UBE2E1: variants seen among roughly 807,000 people sequenced by gnomAD.
UBE2E1 encodes ubiquitin conjugating enzyme E2 E1, also known as ubiquitin-conjugating enzyme E2 E1.
A neutral mutation model predicts 21.4 loss-of-function variants in UBE2E1; 6 were observed. That is an observed-to-expected ratio of 0.28 (90% CI 0.15 to 0.55). The LOEUF (loss-of-function observed/expected upper bound fraction) is 0.55. Among genes scored for constraint, UBE2E1 ranks in the 20% least tolerant of loss-of-function variants. The pLI, the probability that UBE2E1 is intolerant of heterozygous loss-of-function variation, is 0.93. For synonymous variants in UBE2E1, 87 were observed against 82.7 expected, an observed-to-expected ratio of 1.05 and a Z score of -0.28; for missense variants, 142 against 236.5, an observed-to-expected ratio of 0.60 and a Z score of 2.62.
chr3:23,857,329 A>G (rs1427006947), intron 3 of UBE2E1, among the ~76,000 whole-genome samples: 1 of 152,176 alleles, frequency 6.6e-6, no homozygotes, highest in African/African-American at 2.4e-5. Context: ...AAGAGGAATT[A>G]GGTAAAGACC....
At chr3:23,871,408 C>T (rs1425377093) in intron 3 of UBE2E1, among the ~76,000 whole-genome samples, 4 of 151,142 alleles carry the variant, frequency 2.6e-5, no homozygotes, top group Admixed American at 6.6e-5. Context: ...ACCTCCCTCC[C>T]GGACAGGGCG....
chr3:23,837,768 C>T (rs1278261337), intron 3 of UBE2E1, among the ~76,000 whole-genome samples: 7 of 152,148 alleles, frequency 4.6e-5, no homozygotes, highest in East Asian at 3.8e-4. Flanking sequence ...TGAGAAGCAG[C>T]GTTTTTACCA....
At chr3:23,822,400 A>G (rs1469145635) in intron 3 of UBE2E1, among the ~76,000 whole-genome samples, 3 of 152,164 alleles carry the variant, frequency 2.0e-5, no homozygotes, top group South Asian at 2.1e-4. Flanking sequence ...TTAACATAGT[A>G]TATATAATTT....
chr3:23,852,854 C>G (rs897479294), intron 3 of UBE2E1, among the ~76,000 whole-genome samples: 6 of 152,096 alleles, frequency 3.9e-5, no homozygotes, highest in Non-Finnish European at 8.8e-5. Flanking sequence ...ATCCTCCCAC[C>G]TTGGCGTCCC....
chr3:23,860,798 C>T lies in UBE2E1; in HGVS notation c.204-26769C>T, dbSNP rs186802264. Among the ~76,000 whole-genome samples the T allele has an allele frequency of 5.9e-5, 9 of 152,246 alleles. No homozygotes were observed. The East Asian group carries it at 1.7e-3, about 29-fold the overall frequency. ...TAAAACTAGGTAGTACCTAAAATAG[C>T]ATGTACACTATATTTAAACTATTGC... is the stretch of plus-strand genomic sequence containing the variant. On this transcript the variant is annotated intron_variant, in intron 3 of 5. Coordinates refer to ENST00000306627, the MANE Select transcript of UBE2E1 (RefSeq NM_003341.5).
Position 23,867,203 on chromosome 3 carries a change from A to G in UBE2E1, c.204-20364A>G, listed in dbSNP as rs72627044. Among the ~76,000 whole-genome samples, 545 of 152,102 alleles carry G rather than the reference A, an allele frequency of 3.6e-3. 16 individuals carry two copies. The East Asian group carries it at 0.05, about 14-fold the overall frequency. ...GATAAATGTTACCTTTCCTGATTCA[A>G]AGATTCTAGGCAAAGATCAAAAGAA... On this transcript the variant is annotated intron_variant, in intron 3 of 5. Transcript: ENST00000306627.
chr3:23,871,900 G>A (rs1700802903), intron 3 of UBE2E1, among the ~76,000 whole-genome samples: 1 of 151,698 alleles, frequency 6.6e-6, no homozygotes, highest in Non-Finnish European at 1.5e-5. Context: ...TGGGCAGCCA[G>A]GCAGAGGGGC....
chr3:23,885,179 A>C (rs1701152022), intron 3 of UBE2E1, among the ~76,000 whole-genome samples: 1 of 152,196 alleles, frequency 6.6e-6, no homozygotes, highest in Middle Eastern at 3.2e-3. Flanking sequence ...TGGTAGAGAA[A>C]AGTTAGAGAG....
At chr3:23,850,579 T>C (rs1172356910) in intron 3 of UBE2E1, among the ~76,000 whole-genome samples, 1 of 151,758 alleles carries the variant, frequency 6.6e-6, no homozygotes, top group African/African-American at 2.4e-5. Flanking sequence ...GGTGCAATCC[T>C]AGCTCACTGC....
intron 3 of UBE2E1, among the ~76,000 whole-genome samples, chr3:23,857,266 A>G (rs537450998): frequency 6.6e-6 from 1 of 151,904 alleles, no homozygotes; most frequent in South Asian, 2.1e-4. Context: ...TTCTTTCTGC[A>G]TAGGAAAGTT....
intron 3 of UBE2E1, among the ~76,000 whole-genome samples, chr3:23,881,071 G>A (rs1459862948): frequency 6.6e-6 from 1 of 152,234 alleles, no homozygotes; most frequent in Admixed American, 6.5e-5. Flanking sequence ...AAAGCTGTCA[G>A]AAGTGAGTCC....
chr3:23,883,110 A>G (rs536127664), intron 3 of UBE2E1, among the ~76,000 whole-genome samples: 3 of 152,278 alleles, frequency 2.0e-5, no homozygotes, highest in East Asian at 3.9e-4. Flanking sequence ...CTTTAGTATC[A>G]ATTTCAACCC....
At chr3:23,861,519 C>T (rs1021513807) in intron 3 of UBE2E1, among the ~76,000 whole-genome samples, 10 of 152,204 alleles carry the variant, frequency 6.6e-5, no homozygotes, top group African/African-American at 1.4e-4. Flanking sequence ...CCAGCCTTCA[C>T]GTCCAAATGT....
chr3:23,810,752 C>G lies in UBE2E1; in HGVS notation c.153-708C>G, dbSNP rs540949360. 1 of 290,266 alleles carries G rather than the reference C, an allele frequency of 3.4e-6. No individual in the cohort carries two copies. Among genetic ancestry groups the G allele is most frequent in the East Asian group, 5.7e-5 (1 of 17,454 alleles). 18.0% of individuals were successfully genotyped at this position (290,266 alleles called of 1,614,324 possible). A position where few individuals can be genotyped will look rare whatever the true frequency, so the allele number is the denominator to read the frequency against. On this transcript the variant is annotated intron_variant, in intron 2 of 5. Coordinates refer to ENST00000306627, the MANE Select transcript of UBE2E1 (RefSeq NM_003341.5). This position sits in a 1 kb window ranked among gnomAD's most constrained non-coding sequence, Gnocchi z 5.8. The stretch of plus-strand genomic sequence containing the variant: ...AGCCCCCGTGCGGGCACCCTGTTCC[C>G]CTCCCCCGCCCGCAACTTCACCGGC...
intron 2 of UBE2E1, 63 bp from the exon 3 acceptor site, chr3:23,811,397 A>T: frequency 6.5e-7 from 1 of 1,529,610 alleles, no homozygotes; most frequent in Non-Finnish European, 9.1e-7. Context: ...TGCACGCTAC[A>T]GGTGGGAGGC....
At chr3:23,860,253 T>C (rs1446881150) in intron 3 of UBE2E1, among the ~76,000 whole-genome samples, 1 of 152,252 alleles carries the variant, frequency 6.6e-6, no homozygotes, top group African/African-American at 2.4e-5. Context: ...GTTGAGACTC[T>C]GCTGCCACTA....
intron 3 of UBE2E1, among the ~76,000 whole-genome samples, chr3:23,848,447 G>A (rs115315507): frequency 2.7e-5 from 4 of 150,672 alleles, no homozygotes; most frequent in Admixed American, 6.6e-5. Flanking sequence ...TCCAGCCTGC[G>A]TAGCAGAGTG....
chr3:23,839,320 C>T (rs900202927), intron 3 of UBE2E1, among the ~76,000 whole-genome samples: 23 of 151,862 alleles, frequency 1.5e-4, no homozygotes, highest in South Asian at 8.3e-4. Flanking sequence ...AAAAATTAGC[C>T]GGGCATGGTG....
chr3:23,857,154 A>C (rs192960328), intron 3 of UBE2E1, among the ~76,000 whole-genome samples: 54 of 152,214 alleles, frequency 3.5e-4, no homozygotes, highest in Non-Finnish European at 6.6e-4. Flanking sequence ...ATTTAGGAGA[A>C]GCATCAGGAA....
Sources: allele counts gnomAD v4.1 joint callset (sites outside exome capture counted in the v4.1 genomes callset), GRCh38; gene constraint gnomAD v4.1.1; non-coding constraint Gnocchi (gnomAD v3.1); transcripts MANE v1.5; gene names NCBI Gene and HGNC (gene_info 2026-07-23, HGNC 2026-07-21).